Variants in ITPR1 observed in about 807,000 individuals in gnomAD.
ITPR1 encodes inositol 1,4,5-trisphosphate-gated calcium channel ITPR1.
Under a neutral mutation model 318.4 loss-of-function variants are expected in ITPR1, and 96 were observed. That is an observed-to-expected ratio of 0.30 (90% CI 0.26 to 0.36). ITPR1 has a LOEUF of 0.36. ITPR1 is among the 10% of genes least tolerant of loss of function. The pLI is 1.00. For synonymous variants in ITPR1, 1,312 were observed against 1,289.9 expected (o/e 1.02, Z -0.37); for missense variants, 2,440 against 3,460.2 (o/e 0.71, Z 7.40).
intron 55 of ITPR1, among the ~76,000 whole-genome samples, chr3:4,807,964 C>T (rs570666726): frequency 4.6e-5 from 7 of 152,340 alleles, no homozygotes; most frequent in South Asian, 2.1e-4. Flanking sequence ...CTTTGGTCAA[C>T]GCCACCTTGC....
chr3:4,840,029 C>CTTTTTTTTTTT lies in ITPR1; in HGVS notation c.8190+3113_8190+3123dup, dbSNP rs56096727. 2.2e-4 allele frequency among the ~76,000 whole-genome samples: 23 copies of CTTTTTTTTTTT among 104,892 alleles called. 3 individuals carry two copies. Among genetic ancestry groups the CTTTTTTTTTTT allele is most frequent in the African/African-American group, 7.6e-4 (19 of 24,942 alleles). 68.8% of individuals were successfully genotyped at this position (104,892 alleles called of 152,430 possible). A position where few individuals can be genotyped will look rare whatever the true frequency, so the allele number is the denominator to read the frequency against. On this transcript the variant is annotated intron_variant, in intron 61 of 61. Coordinates refer to ENST00000649015, the MANE Select transcript of ITPR1 (RefSeq NM_001378452.1). ...TTACAGGAAAAATTCAGCATAGCTG[C>CTTTTTTTTTTT]TTTTTTTTTTTTTTTTTTTTTTTTT...
At chr3:4,791,262 A>G (rs1338788658) in intron 52 of ITPR1, among the ~76,000 whole-genome samples, 1 of 152,212 alleles carries the variant, frequency 6.6e-6, no homozygotes, top group East Asian at 1.9e-4. Context: ...GCCCCTGATA[A>G]GTAGAAAACG....
At chr3:4,627,376 G>A (rs9845318) in intron 4 of ITPR1, among the ~76,000 whole-genome samples, 22,240 of 152,064 alleles carry the variant, frequency 0.15, 3,171 homozygotes, top group African/African-American at 0.37. Flanking sequence ...AAGCAGGAGA[G>A]TCACTGGAAC....
At chr3:4,724,441 C>T (rs2042369318) in intron 40 of ITPR1, 1 of 152,286 alleles carries the variant, frequency 6.6e-6, no homozygotes, top group Non-Finnish European at 1.5e-5. Context: ...CAACACCAGC[C>T]CTGGCCTGCC....
chr3:4,692,761 T>C (rs1384338300), intron 32 of ITPR1, among the ~76,000 whole-genome samples: 1 of 116,686 alleles, frequency 8.6e-6, no homozygotes, highest in Non-Finnish European at 2.1e-5. Context: ...TTAAAAGTAA[T>C]TTGTTGATTG....
chr3:4,773,211 C>T (rs6805178), intron 46 of ITPR1, among the ~76,000 whole-genome samples: 2,823 of 152,236 alleles, frequency 0.019, 93 homozygotes, highest in African/African-American at 0.064. Flanking sequence ...GACTTTAGAC[C>T]ACATCCTGAA....
chr3:4,732,931 T>C (rs1339187721), intron 42 of ITPR1, among the ~76,000 whole-genome samples, 157 bp from the exon 43 acceptor site: 2 of 152,280 alleles, frequency 1.3e-5, no homozygotes, highest in Non-Finnish European at 2.9e-5. Flanking sequence ...ATATTGAAGT[T>C]AACTTCAGAG....
At chr3:4,817,035 T>C (rs1044349035) in intron 59 of ITPR1, among the ~76,000 whole-genome samples, 3 of 152,248 alleles carry the variant, frequency 2.0e-5, no homozygotes, top group African/African-American at 7.2e-5. Context: ...TTTATTTTGA[T>C]GTTCAAATTG....
intron 4 of ITPR1, among the ~76,000 whole-genome samples, chr3:4,567,033 A>G (rs900817308): frequency 3.3e-5 from 5 of 152,218 alleles, no homozygotes; most frequent in Non-Finnish European, 5.9e-5. Flanking sequence ...GACCTCAAGA[A>G]AGACATTTAA....
chr3:4,606,715 G>A (rs536229205), intron 4 of ITPR1, among the ~76,000 whole-genome samples: 19 of 152,284 alleles, frequency 1.2e-4, no homozygotes, highest in South Asian at 4.1e-4. Flanking sequence ...TACCTGTGGA[G>A]ATATTTAACC....
intron 4 of ITPR1, among the ~76,000 whole-genome samples, chr3:4,545,146 G>T (rs1327452277): frequency 6.6e-6 from 1 of 152,090 alleles, no homozygotes; most frequent in Non-Finnish European, 1.5e-5. Flanking sequence ...GAACAATTTG[G>T]TTAATAATTT....
At chr3:4,735,136 T>A in intron 43 of ITPR1, 28 bp from the exon 44 acceptor site, 1 of 1,582,714 alleles carries the variant, frequency 6.3e-7, no homozygotes, top group Non-Finnish European at 8.7e-7. Context: ...TGATTGTGCT[T>A]AGTAAAAACA....
At chr3:4,762,115 A>G (rs1341103563) in intron 44 of ITPR1, among the ~76,000 whole-genome samples, 1 of 152,184 alleles carries the variant, frequency 6.6e-6, no homozygotes, top group Non-Finnish European at 1.5e-5. Context: ...CTTGCAATAG[A>G]TACCACTGCT....
At chr3:4,600,878 T>A (rs980443289) in intron 4 of ITPR1, among the ~76,000 whole-genome samples, 7 of 152,226 alleles carry the variant, frequency 4.6e-5, no homozygotes, top group Non-Finnish European at 2.9e-5. Flanking sequence ...ATTTAATTTG[T>A]TGATTGTGTG....
At chr3:4,648,133 C>T (rs758072437) in intron 10 of ITPR1, among the ~76,000 whole-genome samples, 1 of 151,402 alleles carries the variant, frequency 6.6e-6, no homozygotes, top group Non-Finnish European at 1.5e-5. Flanking sequence ...GCCTGGGCAA[C>T]AAGAGTGAAA....
chr3:4,838,393 T>C (rs1559988595), intron 61 of ITPR1, among the ~76,000 whole-genome samples: 1 of 150,230 alleles, frequency 6.7e-6, no homozygotes, highest in Non-Finnish European at 1.5e-5. Flanking sequence ...ATGAGGACAT[T>C]GGTGGCTACA....
intron 3 of ITPR1, among the ~76,000 whole-genome samples, chr3:4,518,975 A>G (rs1038303645): frequency 3.3e-5 from 5 of 152,164 alleles, no homozygotes; most frequent in Non-Finnish European, 7.3e-5. Flanking sequence ...CAGCTTTAGT[A>G]AGCTGGGTTG....
intron 33 of ITPR1, among the ~76,000 whole-genome samples, 162 bp downstream of exon 33, chr3:4,693,903 C>T (rs1478662755): frequency 6.6e-6 from 1 of 152,176 alleles, no homozygotes. Flanking sequence ...AACATTTTCT[C>T]GAGCATTGAT....
intron 45 of ITPR1, chr3:4,768,209 C>T (rs1396158804): frequency 3.1e-5 from 9 of 289,334 alleles, no homozygotes; most frequent in Non-Finnish European, 5.1e-5. Context: ...TTTTAAAGAT[C>T]AGGAAGCTGA....
Sources: allele counts gnomAD v4.1 joint callset (sites outside exome capture counted in the v4.1 genomes callset), GRCh38; gene constraint gnomAD v4.1.1; transcripts MANE v1.5; gene names NCBI Gene and HGNC (gene_info 2026-07-23, HGNC 2026-07-21).